The following KRAS variants were observed in gnomAD, a reference collection of about 807,000 sequenced individuals.
KRAS encodes the protein GTPase KRas.
In KRAS, 1 loss-of-function variant was observed where a neutral mutation model predicts 21.0. The ratio of observed to expected loss-of-function variants is 0.05; its 90% confidence interval spans 0.02 to 0.23. The LOEUF (loss-of-function observed/expected upper bound fraction) is 0.23. Ranked by LOEUF, KRAS falls within the 10% of genes least tolerant of loss-of-function variation. The pLI, the probability that KRAS is intolerant of heterozygous loss-of-function variation, is 1.00. For missense variants in KRAS, 107 were observed against 221.8 expected (o/e 0.48, Z 3.29); for synonymous variants, 67 against 72.5 (o/e 0.92, Z 0.39).
intron 2 of KRAS, among the ~76,000 whole-genome samples, chr12:25,232,285 ATAGT>A (rs1057332858): frequency 6.6e-6 from 1 of 152,230 alleles, no homozygotes; most frequent in African/African-American, 2.4e-5. Context: ...TTAGCTAGGA[ATAGT>A]TAAATAGCTG....
chr12:25,215,651 A>G, intron 4 of KRAS: 1 of 1,097,978 alleles, frequency 9.1e-7, no homozygotes, highest in South Asian at 1.3e-5. Context: ...TGAGATTATG[A>G]GCTTGAGATT....
intron 4 of KRAS, among the ~76,000 whole-genome samples, chr12:25,212,260 A>G (rs1592795694): frequency 6.6e-6 from 1 of 152,232 alleles, no homozygotes; most frequent in Non-Finnish European, 1.5e-5. Flanking sequence ...AAAAATGCCA[A>G]TGGTACTAAA....
intron 2 of KRAS, among the ~76,000 whole-genome samples, chr12:25,242,658 G>A (rs1481365387): frequency 2.0e-5 from 3 of 152,210 alleles, no homozygotes; most frequent in South Asian, 4.1e-4. Flanking sequence ...TCATACCTCT[G>A]CCACTAAGTT....
chr12:25,243,984 C>T (rs1404116485), intron 2 of KRAS, among the ~76,000 whole-genome samples: 1 of 152,170 alleles, frequency 6.6e-6, no homozygotes, highest in African/African-American at 2.4e-5. Flanking sequence ...CAAATCTTTG[C>T]AAATAGGCAT....
rs12313763 is a variant in KRAS, at chr12:25,209,920, C to T, written c.451-9G>A. ...AAGGCATCATCAACACCCTGAAATA[C>T]ATAAAAAGTATTAAAATGTGAATAT... On this transcript the variant is annotated splice_polypyrimidine_tract_variant and intron_variant, in intron 4 of 4. Coordinates refer to ENST00000311936, the MANE Select transcript of KRAS (RefSeq NM_004985.5). 0.018 allele frequency: 28,113 copies of T among 1,596,712 alleles called. 2,680 individuals carry two copies. The African/African-American group carries it at 0.26, about 15-fold the overall frequency.
intron 1 of KRAS, among the ~76,000 whole-genome samples, chr12:25,246,795 T>TA (rs1398347360): frequency 1.3e-5 from 2 of 151,628 alleles, no homozygotes; most frequent in Non-Finnish European, 2.9e-5. Flanking sequence ...CGGGCGCCTG[T>TA]AGTCCCAGCT....
At chr12:25,223,957 C>T (rs1230149896) in intron 4 of KRAS, among the ~76,000 whole-genome samples, 1 of 151,902 alleles carries the variant, frequency 6.6e-6, no homozygotes, top group Admixed American at 6.6e-5. Context: ...CACATAATGA[C>T]ATTTTGGTCC....
At chr12:25,210,898 C>T (rs1303738708) in intron 4 of KRAS, 1 of 147,986 alleles carries the variant, frequency 6.8e-6, no homozygotes, top group Non-Finnish European at 1.5e-5. Context: ...AGATTTTAAA[C>T]CTGCAGTACT....
At chr12:25,213,155 T>G (rs993272889) in intron 4 of KRAS, among the ~76,000 whole-genome samples, 5 of 152,186 alleles carry the variant, frequency 3.3e-5, no homozygotes, top group Non-Finnish European at 5.9e-5. Flanking sequence ...CCACGTGTAC[T>G]GAAAAACAAG....
chr12:25,243,549 C>T (rs1448090224), intron 2 of KRAS, among the ~76,000 whole-genome samples: 8 of 152,192 alleles, frequency 5.3e-5, no homozygotes, highest in African/African-American at 1.9e-4. Flanking sequence ...TCCTAACCCA[C>T]TTTATCACAT....
Position 25,208,729 on chromosome 12 carries a change from T to G in KRAS, c.*1066A>C, listed in dbSNP as rs1224533163. ...CTAACCAATGCATGACAACACTGGATGACCGTGGGGACACAGTCCATGCTG... is the reference window on the plus strand; with the variant it reads ...CTAACCAATGCATGACAACACTGGAGGACCGTGGGGACACAGTCCATGCTG... On this transcript the variant is annotated 3_prime_UTR_variant, in exon 5 of 5. Coordinates refer to ENST00000311936, the MANE Select transcript of KRAS (RefSeq NM_004985.5). 4.3e-6 allele frequency: 1 copy of G among 232,866 alleles called. No individual in the cohort carries two copies. The highest frequency in any genetic ancestry group is 8.5e-6 in the Non-Finnish European group (1 of 117,954). 14.4% of individuals were successfully genotyped at this position (232,866 alleles called of 1,614,324 possible).
At chr12:25,218,919 G>GT (rs1555193218) in intron 4 of KRAS, among the ~76,000 whole-genome samples, 12 of 108,194 alleles carry the variant, frequency 1.1e-4, no homozygotes, top group East Asian at 5.6e-4. Context: ...GGGGTTTTTT[G>GT]TTTTTTTTTA....
At chr12:25,223,502 A>G (rs1951353206) in intron 4 of KRAS, among the ~76,000 whole-genome samples, 1 of 152,186 alleles carries the variant, frequency 6.6e-6, no homozygotes, top group South Asian at 2.1e-4. Context: ...GATATATGAT[A>G]TACACCAAGT....
chr12:25,249,602 A>AAAAAAAAAAAAAAAAAAAAG (rs1951738235), intron 1 of KRAS, among the ~76,000 whole-genome samples: 1 of 149,738 alleles, frequency 6.7e-6, no homozygotes. Context: ...AAAAAAAAAA[A>AAAAAAAAAAAAAAAAAAAAG]AAAAAAGGAG....
chr12:25,233,173 C>G (rs1456295280), intron 2 of KRAS, among the ~76,000 whole-genome samples: 1 of 152,172 alleles, frequency 6.6e-6, no homozygotes, highest in East Asian at 1.9e-4. Context: ...CTCAGGCAAT[C>G]TGCAGCAATT....
intron 2 of KRAS, among the ~76,000 whole-genome samples, chr12:25,242,335 G>GT (rs1951620818): frequency 6.6e-6 from 1 of 152,002 alleles, no homozygotes; most frequent in African/African-American, 2.4e-5. Context: ...TCTGATCTCT[G>GT]TAACTACCTA....
intron 4 of KRAS, among the ~76,000 whole-genome samples, chr12:25,221,486 G>A (rs1951325394): frequency 6.6e-6 from 1 of 151,990 alleles, no homozygotes; most frequent in Non-Finnish European, 1.5e-5. Context: ...TGCCCACCTC[G>A]GCTTCCCACC....
At chr12:25,213,479 A>G (rs1437827299) in intron 4 of KRAS, among the ~76,000 whole-genome samples, 1 of 152,228 alleles carries the variant, frequency 6.6e-6, no homozygotes, top group African/African-American at 2.4e-5. Flanking sequence ...TTAACATGCA[A>G]AATTGCTTTA....
At chr12:25,216,974 G>A (rs1951262260) in intron 4 of KRAS, among the ~76,000 whole-genome samples, 1 of 152,058 alleles carries the variant, frequency 6.6e-6, no homozygotes, top group Non-Finnish European at 1.5e-5. Flanking sequence ...TTAATTTTAA[G>A]GGAATTCTAT....
Sources: gnomAD v4.1 joint callset for allele counts (sites outside exome capture counted in the v4.1 genomes callset) on GRCh38, gnomAD v4.1.1 for gene constraint, MANE v1.5 for transcripts, NCBI Gene and HGNC (gene_info 2026-07-23, HGNC 2026-07-21) for gene names.